Variants in NFATC1 observed in about 807,000 individuals in gnomAD.
NFATC1 encodes nuclear factor of activated T cells 1.
Under a neutral mutation model 76.0 loss-of-function variants are expected in NFATC1, and 22 were observed. That is an observed-to-expected ratio of 0.29 (90% CI 0.21 to 0.41). NFATC1 has a LOEUF of 0.41. Ranked by LOEUF, NFATC1 falls within the 10% of genes least tolerant of loss-of-function variation. The pLI is 1.00. For synonymous variants in NFATC1, 704 were observed against 613.1 expected (o/e 1.15, Z -2.19); for missense variants, 1,357 against 1,337.7 (o/e 1.01, Z -0.23).
chr18:79,424,599 CTG>C (rs2148261147), intron 2 of NFATC1, among the ~76,000 whole-genome samples: 1 of 151,716 alleles, frequency 6.6e-6, no homozygotes, highest in East Asian at 1.9e-4. Context: ...CTGTCTCTCT[CTG>C]TCTCTCCGTC....
chr18:79,427,114 G>A (rs899253810), intron 2 of NFATC1, among the ~76,000 whole-genome samples: 13 of 152,276 alleles, frequency 8.5e-5, no homozygotes, highest in East Asian at 5.8e-4. Flanking sequence ...GGTTAAGTGC[G>A]TCTTGGCAGG....
intron 8 of NFATC1, among the ~76,000 whole-genome samples, chr18:79,478,644 G>C (rs1307097816): frequency 6.6e-6 from 1 of 152,232 alleles, no homozygotes; most frequent in Non-Finnish European, 1.5e-5. Context: ...GCCGTGGCGG[G>C]GGCTTTGGGA....
intron 1 of NFATC1, chr18:79,400,244 C>G: frequency 1.7e-6 from 2 of 1,206,876 alleles, no homozygotes; most frequent in South Asian, 6.9e-5. Context: ...TATGTAAACC[C>G]GGAAACGCCC....
chr18:79,410,289 C>A lies in NFATC1; in HGVS notation c.128-114C>A. The stretch of plus-strand genomic sequence containing the variant: ...TCTCAGGGACGTTTGCTGAGGCCCG[C>A]TCCTTGGGGTCCGTTGGTCGAGGCC... On this transcript the variant is annotated intron_variant, in intron 1 of 9. Coordinates refer to ENST00000427363, the MANE Select transcript of NFATC1 (RefSeq NM_001278669.2). The surrounding 1 kb of genome is among the most constrained non-coding windows in gnomAD (Gnocchi z 6.7). 6 of 1,499,158 alleles carry A rather than the reference C, an allele frequency of 4.0e-6. No individual in the cohort carries two copies. The South Asian group carries it at 7.8e-5, about 19-fold the overall frequency. The allele number at this position is 1,499,158 out of a possible 1,614,324, so 92.9% of individuals were successfully genotyped here.
intron 8 of NFATC1, chr18:79,467,969 A>G (rs1439034130): frequency 9.8e-7 from 1 of 1,018,826 alleles, no homozygotes; most frequent in African/African-American, 1.7e-5. Context: ...TTTTGCAGGC[A>G]CCTTTAGGAA....
intron 1 of NFATC1, among the ~76,000 whole-genome samples, chr18:79,404,305 A>C (rs1034418070): frequency 6.6e-6 from 1 of 152,108 alleles, no homozygotes; most frequent in Non-Finnish European, 1.5e-5. Flanking sequence ...AGGCCATCCT[A>C]TTTGCCTTTG....
intron 8 of NFATC1, among the ~76,000 whole-genome samples, chr18:79,474,048 G>A (rs139806502): frequency 0.16 from 19,110 of 117,272 alleles, 1,133 homozygotes; most frequent in East Asian, 0.35. Context: ...TCTCACGCTC[G>A]CTGTCAACGT....
intron 3 of NFATC1, among the ~76,000 whole-genome samples, chr18:79,436,498 TGTGCCCCCGCGCCCGGTATCCCC>T (rs1321031681): frequency 6.6e-6 from 1 of 152,194 alleles, no homozygotes; most frequent in Non-Finnish European, 1.5e-5. Flanking sequence ...AGGGGCACGC[TGTGCCCCCGCGCCCGGTATCCCC>T]GTCCTCCCGC....
At chr18:79,448,142 G>A (rs555928087) in intron 3 of NFATC1, 48 of 153,210 alleles carry the variant, frequency 3.1e-4, no homozygotes, top group Middle Eastern at 6.8e-3. Context: ...AGGGTGGTGC[G>A]GACTATAGAC....
rs1291023278 is a variant in NFATC1 at position 79,444,036 on chromosome 18, C to CCTGGAGGCCTCT, written c.1387-4743_1387-4732dup. The stretch of plus-strand genomic sequence containing the variant: ...TTGAGGGAGTGTTGGCTGTAGGGTT[C>CCTGGAGGCCTCT]CTGGAGGCCTCTCTCATGCACTCTG... On this transcript the variant is annotated intron_variant, in intron 3 of 9. Coordinates refer to ENST00000427363, the MANE Select transcript of NFATC1 (RefSeq NM_001278669.2). 2.6e-5 allele frequency among the ~76,000 whole-genome samples: 4 copies of CCTGGAGGCCTCT among 152,176 alleles called. No homozygotes were observed. The South Asian group carries it at 8.3e-4, about 31-fold the overall frequency.
rs1297206202 is a variant in NFATC1, at chr18:79,433,672, C to T, written c.1320C>T (p.Ala440=). 1.2e-6 allele frequency: 2 copies of T among 1,613,254 alleles called. No homozygotes were observed. Among genetic ancestry groups the T allele is most frequent in the Non-Finnish European group, 1.7e-6 (2 of 1,179,976 alleles). The stretch of plus-strand genomic sequence containing the variant: ...TGCAGCCCAAGTCCCACCACCGAGC[C>T]CACTACGAGACGGAGGGCAGCCGGG... ...IEVQPKSHHR[A]HYETEGSRGA... is the part of the protein sequence containing the mutation. Residue 440 remains alanine, a synonymous_variant, in exon 3 of 10, where the codon GCC becomes GCT. Coordinates refer to ENST00000427363, the MANE Select transcript of NFATC1 (RefSeq NM_001278669.2).
At chr18:79,404,150 T>C (rs1329624317) in intron 1 of NFATC1, among the ~76,000 whole-genome samples, 1 of 152,214 alleles carries the variant, frequency 6.6e-6, no homozygotes, top group Non-Finnish European at 1.5e-5. Flanking sequence ...TTTAAAATGA[T>C]GTGTGCGTCG....
intron 9 of NFATC1, chr18:79,516,081 C>G (rs1332029527): frequency 2.6e-5 from 4 of 152,062 alleles, no homozygotes; most frequent in Non-Finnish European, 4.4e-5. Context: ...GCAGTTTCCA[C>G]ACGGCGTTTG....
At chr18:79,418,877 G>A (rs2085969146) in intron 2 of NFATC1, among the ~76,000 whole-genome samples, 1 of 152,160 alleles carries the variant, frequency 6.6e-6, no homozygotes, top group Non-Finnish European at 1.5e-5. Flanking sequence ...CGGAGGCCGA[G>A]GGCCTGTGCG....
In NFATC1 at chr18:79,396,287, C is replaced by A. The variant is rs866240475; in HGVS notation, c.63C>A (p.Phe21Leu). ...CACTTGGCCCTGCGGCTGCGGTCTT[C>A]GGGAGAGGAGAAACTTTGGGGCCCG... ...KFPLGPAAAV[F>L]GRGETLGPAP... is the part of the protein sequence containing the mutation. The change falls in exon 1 of 10, where the codon TTC becomes TTA. Residue 21 changes from phenylalanine to leucine, a missense_variant. Physicochemically the swap from Phe to Leu is conservative, Grantham distance 22. Transcript: ENST00000427363. The A allele has an allele frequency of 6.2e-6, 9 of 1,457,214 alleles. No homozygotes were observed. The highest frequency in any genetic ancestry group is 3.1e-5 in the East Asian group (1 of 32,762). The allele number at this position is 1,457,214 out of a possible 1,614,324, so 90.3% of individuals were successfully genotyped here.
At chr18:79,488,298 T>TGTGTGTGTG (rs1491433858) in intron 9 of NFATC1, among the ~76,000 whole-genome samples, 9 of 141,010 alleles carry the variant, frequency 6.4e-5, no homozygotes, top group African/African-American at 2.7e-4. Context: ...GCAGCCCTGG[T>TGTGTGTGTG]TGTGTGTGTG....
chr18:79,459,420 C>T (rs371172197), intron 6 of NFATC1, among the ~76,000 whole-genome samples: 299 of 152,300 alleles, frequency 2.0e-3, no homozygotes, highest in African/African-American at 6.8e-3. Flanking sequence ...TCTTGCTTCT[C>T]GGGACATAAA....
chr18:79,486,826 G>A lies in NFATC1; in HGVS notation c.2671G>A (p.Gly891Arg), dbSNP rs145894495. The A allele has an allele frequency of 1.4e-5, 23 of 1,611,630 alleles. No individual in the cohort carries two copies. The African/African-American group carries it at 1.7e-4, about 12-fold the overall frequency. The part of the protein sequence containing the change: ...TVRRDESPTA[G>R]PRLLPEVHED... ...CCGCAGGGACGAGTCTCCGACTGCC[G>A]GGCCACGGCTGCTGCCAGAGGTGCA... Residue 891 changes from glycine (G) to arginine (R), a missense_variant, in exon 9 of 10, where the codon GGG (glycine) becomes AGG (arginine). By Grantham distance (125) the Gly-to-Arg change is moderately radical (BLOSUM62 -2). Around this residue, in one of 3 missense-constraint regions of NFATC1, gnomAD observed 424 missense variants for 395.4 expected, o/e 1.07. Transcript: ENST00000427363.
chr18:79,401,172 TG>T (rs1365635479), intron 1 of NFATC1, among the ~76,000 whole-genome samples: 2 of 150,254 alleles, frequency 1.3e-5, no homozygotes. Context: ...CCTCTCCCGC[TG>T]CCCGGGATCT....
Sources: allele counts gnomAD v4.1 joint callset (sites outside exome capture counted in the v4.1 genomes callset), GRCh38; gene constraint gnomAD v4.1.1; regional missense constraint gnomAD v4.1.1; non-coding constraint Gnocchi (gnomAD v3.1); transcripts MANE v1.5; gene names NCBI Gene and HGNC (gene_info 2026-07-23, HGNC 2026-07-21).